UBE2E2: variants seen among roughly 807,000 people sequenced by gnomAD.
UBE2E2 encodes ubiquitin conjugating enzyme E2 E2, also known as ubiquitin-conjugating enzyme E2 E2.
UBE2E2 carries 6 observed loss-of-function variants against 24.7 expected under a neutral mutation model. The observed-to-expected ratio is 0.24, with a 90% CI of 0.13 to 0.48. The LOEUF (loss-of-function observed/expected upper bound fraction) is 0.48, where lower values mean the gene tolerates loss of function less well. UBE2E2 is among the 20% of genes least tolerant of loss of function. UBE2E2 has a pLI of 0.99. For missense variants in UBE2E2, 169 were observed against 245.0 expected, an observed-to-expected ratio of 0.69 and a Z score of 2.07; for synonymous variants, 104 against 83.6, an observed-to-expected ratio of 1.24 and a Z score of -1.33.
intron 3 of UBE2E2, among the ~76,000 whole-genome samples, chr3:23,226,797 T>TTA: frequency 2.0e-5 from 3 of 152,240 alleles, no homozygotes; most frequent in East Asian, 3.9e-4. Flanking sequence ...GAGGTTTAAA[T>TTA]ACTGAGTAAA....
At position 23,530,790 on chromosome 3, in the gene UBE2E2, C is replaced by T. The variant is rs984969946; in HGVS notation, c.361-1764C>T. ...GCAACATACAGGCCTAAGATTTCAT[C>T]TTCTTTTTCCATGAGGGCATCAAAA... On this transcript the variant is annotated intron_variant, in intron 4 of 5. Transcript: ENST00000396703. 2.0e-5 allele frequency among the ~76,000 whole-genome samples: 3 copies of T among 152,090 alleles called. No homozygotes were observed. In the East Asian group the frequency reaches 5.8e-4, roughly 29 times the overall value.
At chr3:23,579,211 T>G (rs1348009848) in intron 5 of UBE2E2, among the ~76,000 whole-genome samples, 1 of 151,668 alleles carries the variant, frequency 6.6e-6, no homozygotes. Context: ...GCTAACATGG[T>G]GAAACCCCGT....
chr3:23,506,119 A>AC (rs1287426569), intron 4 of UBE2E2, among the ~76,000 whole-genome samples: 1 of 152,206 alleles, frequency 6.6e-6, no homozygotes, highest in Admixed American at 6.5e-5. Context: ...ATGTGTGTAA[A>AC]CCCAACTACC....
At chr3:23,291,951 T>C (rs555675707) in intron 3 of UBE2E2, among the ~76,000 whole-genome samples, 56 of 141,758 alleles carry the variant, frequency 4.0e-4, no homozygotes, top group Non-Finnish European at 6.5e-4. Context: ...CTCCACCTCC[T>C]GGGTTCATGC....
chr3:23,543,081 A>G (rs952282524), intron 5 of UBE2E2, among the ~76,000 whole-genome samples: 1 of 152,194 alleles, frequency 6.6e-6, no homozygotes, highest in African/African-American at 2.4e-5. Flanking sequence ...TGGGAGGCCA[A>G]GGCAGGAGGA....
chr3:23,280,324 G>A lies in UBE2E2; in HGVS notation c.227+63012G>A, dbSNP rs1334940355. ...ATTTTTAGTGGTGAGAGTCTTAAGA[G>A]TACTAGTATTCTTTGGGAAACAAAT... On this transcript the variant is annotated intron_variant, in intron 3 of 5. Transcript: ENST00000396703. This position sits in a 1 kb window ranked among gnomAD's most constrained non-coding sequence, Gnocchi z 4.3. Among the ~76,000 whole-genome samples the A allele has an allele frequency of 6.6e-6, 1 of 152,140 alleles. No homozygotes were observed. The highest frequency in any genetic ancestry group is 6.5e-5 in the Admixed American group (1 of 15,270).
intron 3 of UBE2E2, among the ~76,000 whole-genome samples, chr3:23,348,472 G>A (rs1305709876): frequency 2.0e-5 from 3 of 151,630 alleles, no homozygotes; most frequent in East Asian, 3.9e-4. Flanking sequence ...TCAAAGATAA[G>A]ACAATAGCCA....
At chr3:23,348,965 C>A (rs373987407) in intron 3 of UBE2E2, among the ~76,000 whole-genome samples, 2 of 152,192 alleles carry the variant, frequency 1.3e-5, no homozygotes, top group African/African-American at 4.8e-5. Context: ...AGAAAGCAAC[C>A]AAGAGTTTTG....
intron 3 of UBE2E2, among the ~76,000 whole-genome samples, chr3:23,418,122 G>A (rs767424454): frequency 3.9e-5 from 6 of 152,210 alleles, no homozygotes; most frequent in Non-Finnish European, 8.8e-5. Context: ...AAATCCTGCA[G>A]CTAGCTTGGT....
intron 3 of UBE2E2, among the ~76,000 whole-genome samples, chr3:23,278,347 G>A (rs1698414952): frequency 6.6e-6 from 1 of 151,980 alleles, no homozygotes; most frequent in Non-Finnish European, 1.5e-5. Context: ...TTTAATTCAG[G>A]AAAAAGGAAC....
chr3:23,573,863 G>T (rs1441042729), intron 5 of UBE2E2, among the ~76,000 whole-genome samples: 1 of 151,912 alleles, frequency 6.6e-6, no homozygotes, highest in Admixed American at 6.6e-5. Context: ...CCTTTTTCTT[G>T]AATAGTAACA....
At chr3:23,518,159 C>G (rs2125472216) in intron 4 of UBE2E2, among the ~76,000 whole-genome samples, 1 of 152,124 alleles carries the variant, frequency 6.6e-6, no homozygotes, top group Non-Finnish European at 1.5e-5. Flanking sequence ...AAAGAACAGG[C>G]TTTGGAAGCC....
chr3:23,540,286 T>C (rs779536459), intron 5 of UBE2E2, among the ~76,000 whole-genome samples: 2 of 152,204 alleles, frequency 1.3e-5, no homozygotes, highest in Non-Finnish European at 2.9e-5. Flanking sequence ...AACAGGTTGC[T>C]GCATCAGAAT....
intron 3 of UBE2E2, among the ~76,000 whole-genome samples, chr3:23,475,467 T>G (rs748449137): frequency 6.6e-6 from 1 of 152,044 alleles, no homozygotes; most frequent in Non-Finnish European, 1.5e-5. Flanking sequence ...TATACCTCAG[T>G]CACTATAAAG....
chr3:23,434,919 C>T (rs554979197), intron 3 of UBE2E2, among the ~76,000 whole-genome samples: 1 of 152,306 alleles, frequency 6.6e-6, no homozygotes, highest in Non-Finnish European at 1.5e-5. Flanking sequence ...TGCCATAAAT[C>T]GCTGCATCAT....
At chr3:23,303,937 A>C (rs1414197888) in intron 3 of UBE2E2, among the ~76,000 whole-genome samples, 1 of 152,146 alleles carries the variant, frequency 6.6e-6, no homozygotes, top group Non-Finnish European at 1.5e-5. Flanking sequence ...TCTTAGTCTT[A>C]CCTGAATTCT....
chr3:23,323,317 T>C (rs1440361970), intron 3 of UBE2E2, among the ~76,000 whole-genome samples: 1 of 152,112 alleles, frequency 6.6e-6, no homozygotes, highest in Non-Finnish European at 1.5e-5. Flanking sequence ...ATTTTTATGT[T>C]ACTGGTTAGT....
intron 3 of UBE2E2, among the ~76,000 whole-genome samples, chr3:23,234,614 G>C (rs1697058026): frequency 1.3e-5 from 2 of 152,176 alleles, no homozygotes; most frequent in African/African-American, 4.8e-5. Flanking sequence ...ATACAGTGGG[G>C]GTGGTTGGGA....
At chr3:23,283,110 T>C (rs1698525150) in intron 3 of UBE2E2, among the ~76,000 whole-genome samples, 1 of 152,190 alleles carries the variant, frequency 6.6e-6, no homozygotes, top group African/African-American at 2.4e-5. Flanking sequence ...TTAAAATTCT[T>C]ATCTAAGGAG....
Sources: allele counts gnomAD v4.1 joint callset (sites outside exome capture counted in the v4.1 genomes callset), GRCh38; gene constraint gnomAD v4.1.1; non-coding constraint Gnocchi (gnomAD v3.1); transcripts MANE v1.5; gene names NCBI Gene and HGNC (gene_info 2026-07-23, HGNC 2026-07-21).